The following BFSP2 variants were observed in gnomAD, a reference collection of about 807,000 sequenced individuals.
BFSP2 encodes phakinin.
BFSP2 carries 38 observed loss-of-function variants against 44.9 expected under a neutral mutation model. The observed-to-expected ratio is 0.85, with a 90% CI of 0.65 to 1.11. The LOEUF (loss-of-function observed/expected upper bound fraction) is 1.11, where lower values mean the gene tolerates loss of function less well. Ranked by LOEUF, BFSP2 falls within the 50% of genes least tolerant of loss-of-function variation. The pLI, the probability that BFSP2 is intolerant of heterozygous loss-of-function variation, is 0.00. For synonymous variants in BFSP2, 197 were observed against 209.9 expected (o/e 0.94, Z 0.53); for missense variants, 525 against 533.0 (o/e 0.99, Z 0.15).
chr3:133,419,495 T>C (rs12492831), intron 1 of BFSP2, among the ~76,000 whole-genome samples: 103,460 of 152,054 alleles, frequency 0.68, 37,372 homozygotes, highest in Middle Eastern at 0.88. Flanking sequence ...CCACAGTCTA[T>C]GTAGAGTGCC....
In BFSP2 at chr3:133,400,124, C is replaced by A; in HGVS notation, c.41C>A (p.Ala14Asp). The A allele has an allele frequency of 3.1e-6, 5 of 1,614,180 alleles. No homozygotes were observed. Among genetic ancestry groups the A allele is most frequent in the Non-Finnish European group, 3.4e-6 (4 of 1,180,038 alleles). ...GTGGTAGTGGACTTGCCCACCAGTG[C>A]CAGCTCCAGCATGCCCCTCCAGAGG... ...RRVVVDLPTS[A>D]SSSMPLQRRR... The change falls in exon 1 of 7, where the codon GCC (alanine) becomes GAC (aspartate). Residue 14 changes from alanine to aspartate, a missense_variant. By Grantham distance (126) the Ala-to-Asp change is moderately radical (BLOSUM62 -2). Coordinates refer to ENST00000302334, the MANE Select transcript of BFSP2 (RefSeq NM_003571.4). The surrounding 1 kb of genome is among the most constrained non-coding windows in gnomAD (Gnocchi z 4.0).
intron 4 of BFSP2, among the ~76,000 whole-genome samples, chr3:133,451,874 C>T (rs529934295): frequency 6.6e-6 from 1 of 152,290 alleles, no homozygotes; most frequent in Non-Finnish European, 1.5e-5. Context: ...CTCCATCTCC[C>T]ACCCATTTCT....
At chr3:133,403,934 G>A (rs1376771892) in intron 1 of BFSP2, among the ~76,000 whole-genome samples, 3 of 152,168 alleles carry the variant, frequency 2.0e-5, no homozygotes, top group African/African-American at 7.2e-5. Flanking sequence ...AAAGCAACAC[G>A]AAACTAGGGT....
rs146982917 is a variant in BFSP2 at position 133,404,113 on chromosome 3, G to T, written c.489+3541G>T. On this transcript the variant is annotated intron_variant, in intron 1 of 6. Coordinates refer to ENST00000302334, the MANE Select transcript of BFSP2 (RefSeq NM_003571.4). ...ACTGGAGTGCAGCGATGCCATCAGA[G>T]ATCACTGCAACCTCAAGCTCCTGGC... is the stretch of plus-strand genomic sequence containing the variant. Among the ~76,000 whole-genome samples, 55 of 152,348 alleles carry T rather than the reference G, an allele frequency of 3.6e-4. 2 individuals carry two copies. The East Asian group carries it at 0.01, about 28-fold the overall frequency.
chr3:133,411,729 C>T (rs1197393), intron 1 of BFSP2, among the ~76,000 whole-genome samples: 72,156 of 151,864 alleles, frequency 0.48, 17,784 homozygotes, highest in African/African-American at 0.57. Flanking sequence ...GACAACTAGA[C>T]AGTCATAAGG....
intron 1 of BFSP2, among the ~76,000 whole-genome samples, chr3:133,429,111 AC>A (rs775220524): frequency 7.0e-6 from 1 of 143,046 alleles, no homozygotes; most frequent in Non-Finnish European, 1.5e-5. Flanking sequence ...TTCCACCCCC[AC>A]CCCCCCAGAG....
chr3:133,427,825 C>G (rs2073667944), intron 1 of BFSP2, among the ~76,000 whole-genome samples: 1 of 152,132 alleles, frequency 6.6e-6, no homozygotes, highest in Admixed American at 6.5e-5. Context: ...CGTAAGTGTC[C>G]CTTAGTTCCA....
At chr3:133,413,849 C>T (rs920239803) in intron 1 of BFSP2, among the ~76,000 whole-genome samples, 1 of 151,928 alleles carries the variant, frequency 6.6e-6, no homozygotes, top group Non-Finnish European at 1.5e-5. Flanking sequence ...AACGAATAAC[C>T]ATCTAAATAA....
chr3:133,454,139 G>A (rs1453063048), intron 4 of BFSP2, among the ~76,000 whole-genome samples: 1 of 152,138 alleles, frequency 6.6e-6, no homozygotes, highest in African/African-American at 2.4e-5. Context: ...AGACCTCCTA[G>A]TTAGTCAAGT....
intron 5 of BFSP2, among the ~76,000 whole-genome samples, chr3:133,467,613 TATTA>T (rs1228817708): frequency 1.3e-5 from 2 of 152,054 alleles, no homozygotes; most frequent in Non-Finnish European, 2.9e-5. Flanking sequence ...TCTCTTTCAT[TATTA>T]ATTATTTATT....
chr3:133,414,269 G>A (rs552758029), intron 1 of BFSP2, among the ~76,000 whole-genome samples: 2 of 13,470 alleles, frequency 1.5e-4, no homozygotes, highest in East Asian at 5.1e-3. Context: ...TACTCACCCC[G>A]TCCTCTCACC....
intron 1 of BFSP2, among the ~76,000 whole-genome samples, chr3:133,418,531 C>T (rs534274707): frequency 6.0e-4 from 92 of 152,256 alleles, no homozygotes; most frequent in African/African-American, 2.1e-3. Context: ...ATCCAGCCCA[C>T]CCAGGCCAGG....
chr3:133,438,303 G>T, intron 1 of BFSP2, among the ~76,000 whole-genome samples: 1 of 152,228 alleles, frequency 6.6e-6, no homozygotes, highest in Non-Finnish European at 1.5e-5. Flanking sequence ...AAGGCAGGCG[G>T]ATCACCTGAG....
At chr3:133,458,181 T>C (rs1333098271) in intron 4 of BFSP2, among the ~76,000 whole-genome samples, 1 of 152,250 alleles carries the variant, frequency 6.6e-6, no homozygotes, top group Admixed American at 6.5e-5. Context: ...TGGGTTAAAA[T>C]GCATTTCTTA....
At chr3:133,431,989 A>G (rs11710437) in intron 1 of BFSP2, among the ~76,000 whole-genome samples, 100,131 of 151,392 alleles carry the variant, frequency 0.66, 34,179 homozygotes, top group Middle Eastern at 0.88. Flanking sequence ...TCTTCCTCTC[A>G]TATCCCCCCA....
rs199963559 is a variant in BFSP2, at chr3:133,472,454, G to T, written c.1133G>T (p.Arg378Leu). Residue 378 changes from arginine (R) to leucine (L), a missense_variant, in exon 6 of 7, where the codon CGA (arginine) becomes CTA (leucine). Transcript: ENST00000302334. ...CTGGAGGCGGAGCTCAGGGAAATCC[G>T]AGCGGAGGCGGAGCAGCAGCAACAG... ...GRLEAELREI[R>L]AEAEQQQQER... is the part of the protein sequence containing the mutation. The T allele has an allele frequency of 1.2e-6, 2 of 1,614,054 alleles. No individual in the cohort carries two copies. The highest frequency in any genetic ancestry group is 1.3e-5 in the African/African-American group (1 of 75,084).
chr3:133,472,397 A>C lies in BFSP2; in HGVS notation c.1076A>C (p.Glu359Ala). The change falls in exon 6 of 7, where the codon GAG becomes GCG. Residue 359 changes from glutamate (E) to alanine (A), a missense_variant. Coordinates refer to ENST00000302334, the MANE Select transcript of BFSP2 (RefSeq NM_003571.4). ...GATGCCAAGCACTGGCATGACATGG[A>C]GCTCCAGAACCTGGGCGCTGTGGTC... is the stretch of plus-strand genomic sequence containing the variant. ...LHDAKHWHDMELQNLGAVVGR... is the reference protein window; with the variant it reads ...LHDAKHWHDMALQNLGAVVGR... The C allele has an allele frequency of 6.2e-7, 1 of 1,614,066 alleles. No individual in the cohort carries two copies. The highest frequency in any genetic ancestry group is 8.5e-7 in the Non-Finnish European group (1 of 1,179,994).
At chr3:133,465,262 C>G (rs1431685343) in intron 4 of BFSP2, among the ~76,000 whole-genome samples, 1 of 152,166 alleles carries the variant, frequency 6.6e-6, no homozygotes, top group Non-Finnish European at 1.5e-5. Context: ...CCACCTCGGC[C>G]TCCCAAAGTG....
intron 5 of BFSP2, among the ~76,000 whole-genome samples, chr3:133,470,346 C>G (rs1053421431): frequency 1.3e-5 from 2 of 152,152 alleles, no homozygotes; most frequent in African/African-American, 4.8e-5. Context: ...CTGTTTCATC[C>G]ATAGTGGTCA....
Sources: gnomAD v4.1 joint callset for allele counts (sites outside exome capture counted in the v4.1 genomes callset) on GRCh38, gnomAD v4.1.1 for gene constraint, Gnocchi (gnomAD v3.1) non-coding constraint, MANE v1.5 for transcripts, NCBI Gene and HGNC (gene_info 2026-07-23, HGNC 2026-07-21) for gene names.